The following SLC38A12 variants were observed in gnomAD, a reference collection of about 807,000 sequenced individuals.
SLC38A12 encodes putative sodium-coupled neutral amino acid transporter 12.
the SLC38A12 span, among the ~76,000 whole-genome samples, chr17:74,789,715 A>G: frequency 2.0e-5 from 3 of 151,042 alleles, no homozygotes; most frequent in African/African-American, 7.3e-5. Flanking sequence ...CGTGGTGGCA[A>G]GTGCCTGTAA....
the SLC38A12 span, chr17:74,837,051 C>T: frequency 9.5e-7 from 1 of 1,048,972 alleles, no homozygotes; most frequent in Non-Finnish European, 1.1e-6. Flanking sequence ...AGTGCTGGCA[C>T]TGCCATCATT....
the SLC38A12 span, among the ~76,000 whole-genome samples, chr17:74,804,273 A>G: frequency 6.6e-6 from 1 of 152,280 alleles, no homozygotes; most frequent in Non-Finnish European, 1.5e-5. Flanking sequence ...ACTCAAAAGT[A>G]ATAGCCGTGA....
At chr17:74,801,054 G>A in the SLC38A12 span, among the ~76,000 whole-genome samples, 3 of 152,212 alleles carry the variant, frequency 2.0e-5, no homozygotes, top group Non-Finnish European at 4.4e-5. Flanking sequence ...ACTCCAGGAC[G>A]CCTGGAGGGG....
At chr17:74,790,231 C>CA in the SLC38A12 span, 1 of 1,614,042 alleles carries the variant, frequency 6.2e-7, no homozygotes, top group African/African-American at 1.3e-5. Flanking sequence ...TCCACAGCCT[C>CA]AGACAGCGAT....
At chr17:74,807,378 T>A in the SLC38A12 span, among the ~76,000 whole-genome samples, 1 of 152,250 alleles carries the variant, frequency 6.6e-6, no homozygotes, top group Non-Finnish European at 1.5e-5. Context: ...GCAGCGTGGT[T>A]GCTCCCTGAA....
the SLC38A12 span, among the ~76,000 whole-genome samples, chr17:74,807,321 G>A: frequency 7.2e-5 from 11 of 152,338 alleles, 3 homozygotes; most frequent in African/African-American, 1.9e-4. Flanking sequence ...TTCAGGGCAC[G>A]GGCTGCGTCT....
the SLC38A12 span, among the ~76,000 whole-genome samples, chr17:74,828,209 G>T: frequency 6.6e-6 from 1 of 152,236 alleles, no homozygotes; most frequent in African/African-American, 2.4e-5. Context: ...GGGGCTTGGG[G>T]CGCCCTGACC....
At chr17:74,814,670 G>A in the SLC38A12 span, among the ~76,000 whole-genome samples, 16 of 152,160 alleles carry the variant, frequency 1.1e-4, no homozygotes, top group African/African-American at 2.9e-4. Context: ...CATGGAAAAC[G>A]TGTACAAGGC....
At chr17:74,838,209 G>T in the SLC38A12 span, 13 of 985,580 alleles carry the variant, frequency 1.3e-5, no homozygotes, top group Middle Eastern at 5.2e-4. Flanking sequence ...TCGCACCTCA[G>T]TGTTTCTCAT....
the SLC38A12 span, among the ~76,000 whole-genome samples, chr17:74,812,890 G>A: frequency 6.6e-6 from 1 of 152,172 alleles, no homozygotes; most frequent in Non-Finnish European, 1.5e-5. Flanking sequence ...TTGAAACTCC[G>A]GGAGCTGACA....
chr17:74,789,947 G>GTTTTTTTTTTTTTTTTT, the SLC38A12 span, among the ~76,000 whole-genome samples: 1 of 131,408 alleles, frequency 7.6e-6, no homozygotes, highest in African/African-American at 3.1e-5. Context: ...TTTCTTTTTT[G>GTTTTTTTTTTTTTTTTT]TTTTTTTGTT....
chr17:74,828,508 G>A, the SLC38A12 span, among the ~76,000 whole-genome samples: 1 of 152,208 alleles, frequency 6.6e-6, no homozygotes, highest in Non-Finnish European at 1.5e-5. Flanking sequence ...AGAAGGGGAT[G>A]AGCGGGCTGG....
chr17:74,833,017 CTTGTTTGT>C, the SLC38A12 span, among the ~76,000 whole-genome samples: 2 of 151,680 alleles, frequency 1.3e-5, no homozygotes, highest in Non-Finnish European at 2.9e-5. Flanking sequence ...ATATCCGTGG[CTTGTTTGT>C]TTGTTTGTTT....
At chr17:74,787,017 T>C in the SLC38A12 span, among the ~76,000 whole-genome samples, 1 of 152,188 alleles carries the variant, frequency 6.6e-6, no homozygotes, top group Non-Finnish European at 1.5e-5. Flanking sequence ...GAAAAGTCTC[T>C]TTATGCCTTA....
chr17:74,835,964 C>A, the SLC38A12 span: 2 of 1,611,370 alleles, frequency 1.2e-6, no homozygotes, highest in South Asian at 2.2e-5. Context: ...TGATCCGCAT[C>A]GGGCACGGAC....
At chr17:74,807,170 A>C in the SLC38A12 span, among the ~76,000 whole-genome samples, 2 of 113,080 alleles carry the variant, frequency 1.8e-5, no homozygotes, top group Non-Finnish European at 3.3e-5. Flanking sequence ...CTGGCCCACC[A>C]CGTGCCTGTG....
the SLC38A12 span, among the ~76,000 whole-genome samples, chr17:74,807,922 A>G: frequency 2.6e-5 from 4 of 152,196 alleles, no homozygotes; most frequent in African/African-American, 4.8e-5. Flanking sequence ...CAGGTGCTAG[A>G]TTCCGTGGTC....
At chr17:74,835,684 T>C in the SLC38A12 span, among the ~76,000 whole-genome samples, 2 of 152,174 alleles carry the variant, frequency 1.3e-5, no homozygotes, top group East Asian at 3.9e-4. Context: ...ACTGCAGCCC[T>C]GTCCCCACAT....
At chr17:74,803,798 C>T in the SLC38A12 span, among the ~76,000 whole-genome samples, 1 of 152,204 alleles carries the variant, frequency 6.6e-6, no homozygotes, top group East Asian at 1.9e-4. Context: ...CCCGCTGCTT[C>T]CAGAACTCCC....
Sources: allele counts gnomAD v4.1 joint callset (sites outside exome capture counted in the v4.1 genomes callset), GRCh38; gene constraint gnomAD v4.1.1; transcripts MANE v1.5; gene names NCBI Gene and HGNC (gene_info 2026-07-23, HGNC 2026-07-21).